The following ODF2 variants were observed in gnomAD, a reference collection of about 807,000 sequenced individuals.
ODF2 encodes outer dense fiber of sperm tails 2, also known as outer dense fiber protein 2.
Under a neutral mutation model 110.2 loss-of-function variants are expected in ODF2, and 47 were observed. The observed-to-expected ratio is 0.43, with a 90% CI of 0.34 to 0.54. ODF2 has a LOEUF of 0.54. Ranked by LOEUF, ODF2 falls within the 20% of genes least tolerant of loss-of-function variation. ODF2 has a pLI of 0.03. For synonymous variants in ODF2, 352 were observed against 397.7 expected (o/e 0.89, Z 1.37); for missense variants, 812 against 1,054.5 (o/e 0.77, Z 3.19).
intron 4 of ODF2, among the ~76,000 whole-genome samples, chr9:128,466,644 C>CATATAT (rs10591401): frequency 2.1e-3 from 293 of 142,758 alleles, no homozygotes; most frequent in Admixed American, 5.1e-3. Context: ...CACACTTTCC[C>CATATAT]ATATATATAT....
chr9:128,498,659 TG>T, intron 19 of ODF2, 84 bp downstream of exon 19: 1 of 799,860 alleles, frequency 1.3e-6, no homozygotes, highest in Non-Finnish European at 2.0e-6. Context: ...ATCTGAAAAA[TG>T]GGCACACAGT....
chr9:128,479,598 C>T lies in ODF2; in HGVS notation c.844-1982C>T, dbSNP rs181720631. Among the ~76,000 whole-genome samples, 16 of 152,156 alleles carry T rather than the reference C, an allele frequency of 1.1e-4. No homozygotes were observed. In the East Asian group the frequency reaches 2.9e-3, roughly 28 times the overall value. Reference sequence around the variant, plus strand: ...GGCATTTCAGCCACAAATCTCAGACCTTCCGACCTGGCCATTCCTCTTCTT... The same window carrying T: ...GGCATTTCAGCCACAAATCTCAGACTTTCCGACCTGGCCATTCCTCTTCTT... On this transcript the variant is annotated intron_variant, in intron 8 of 20. Transcript: ENST00000604420.
At chr9:128,457,992 G>A (rs1302146111) in intron 2 of ODF2, among the ~76,000 whole-genome samples, 1 of 149,942 alleles carries the variant, frequency 6.7e-6, no homozygotes. Flanking sequence ...TACATATACA[G>A]CAAAACGCAT....
chr9:128,497,441 AAAAAAATATAT>A (rs1179153706), intron 18 of ODF2: 1 of 90,872 alleles, frequency 1.1e-5, no homozygotes, highest in African/African-American at 6.4e-5. Context: ...AAAAAAAAAA[AAAAAAATATAT>A]ATATATATAT....
intron 13 of ODF2, among the ~76,000 whole-genome samples, chr9:128,487,040 A>T (rs1393046269): frequency 4.6e-5 from 7 of 152,136 alleles, no homozygotes; most frequent in Non-Finnish European, 1.0e-4. Flanking sequence ...TCTTGGCCTT[A>T]TGAGAGGATC....
intron 5 of ODF2, 135 bp from the exon 6 acceptor site, chr9:128,471,173 C>A: frequency 1.2e-6 from 1 of 854,532 alleles, no homozygotes; most frequent in East Asian, 3.0e-5. Flanking sequence ...CTTGGCCTCC[C>A]AAAGTGCTGG....
chr9:128,457,945 T>A (rs10987995), intron 2 of ODF2, among the ~76,000 whole-genome samples: 9,561 of 57,958 alleles, frequency 0.16, 375 homozygotes, highest in Middle Eastern at 0.23. Flanking sequence ...ATATATATAT[T>A]TTTTTTTTTT....
chr9:128,462,818 C>G (rs1041076183), intron 4 of ODF2, among the ~76,000 whole-genome samples: 9 of 152,066 alleles, frequency 5.9e-5, no homozygotes, highest in Non-Finnish European at 1.2e-4. Flanking sequence ...TGGTCTCGAT[C>G]TCCTGACCTC....
intron 4 of ODF2, among the ~76,000 whole-genome samples, chr9:128,466,308 A>C (rs1484856013): frequency 6.6e-6 from 1 of 152,018 alleles, no homozygotes; most frequent in Non-Finnish European, 1.5e-5. Flanking sequence ...TCTACCAAAA[A>C]TACAAAAAAT....
chr9:128,488,742 G>A (rs1178943743), intron 14 of ODF2, among the ~76,000 whole-genome samples: 1 of 152,132 alleles, frequency 6.6e-6, no homozygotes, highest in Non-Finnish European at 1.5e-5. Context: ...CCGGGCTCAC[G>A]TCTGTAATCC....
At chr9:128,499,119 G>A (rs777420619) in exon 20 of ODF2, 55 of 1,614,046 alleles carry the variant, frequency 3.4e-5, no homozygotes, top group Non-Finnish European at 4.4e-5. Flanking sequence ...CGGCGGAGCC[G>A]TGATGATGTG....
chr9:128,500,298 A>G (rs1393946880), exon 21 of ODF2: 3 of 1,597,850 alleles, frequency 1.9e-6, no homozygotes, highest in Non-Finnish European at 2.6e-6. Flanking sequence ...AGCCATAGGA[A>G]CTCCAGAGTT....
exon 11 of ODF2, chr9:128,483,982 C>T: frequency 1.2e-6 from 2 of 1,613,872 alleles, no homozygotes; most frequent in East Asian, 2.2e-5. Flanking sequence ...CCATGGAGTC[C>T]ATGCGTGGGC....
At chr9:128,456,326 C>G in intron 1 of ODF2, 71 bp downstream of exon 1, 1 of 1,465,208 alleles carries the variant, frequency 6.8e-7, no homozygotes, top group Non-Finnish European at 9.0e-7. Context: ...GCCTTCGCAC[C>G]CCCGGCGCGG....
At chr9:128,498,943 G>A in intron 19 of ODF2, 58 bp from the exon 20 acceptor site, 3 of 1,606,918 alleles carry the variant, frequency 1.9e-6, no homozygotes, top group Non-Finnish European at 2.6e-6. Context: ...CCTTCTCTTT[G>A]CCAAGTGTTC....
chr9:128,481,543 T>G (rs757014286), intron 8 of ODF2, 37 bp from the exon 9 acceptor site: 25 of 1,533,154 alleles, frequency 1.6e-5, no homozygotes, highest in Non-Finnish European at 2.2e-5. Flanking sequence ...GGTTTATTGC[T>G]TAATGACTTG....
exon 9 of ODF2, chr9:128,481,623 G>A (rs1263289864): frequency 8.7e-6 from 14 of 1,613,900 alleles, no homozygotes; most frequent in Admixed American, 8.3e-5. Context: ...CTGCTGAAAC[G>A]GCTGGCGGAG....
chr9:128,468,696 G>A (rs7023205), intron 4 of ODF2, among the ~76,000 whole-genome samples: 44,720 of 151,934 alleles, frequency 0.29, 7,672 homozygotes, highest in East Asian at 0.47. Context: ...CTAAGTTTGT[G>A]TTTTTAGTAG....
chr9:128,491,519 G>A (rs566518432), intron 14 of ODF2, among the ~76,000 whole-genome samples: 60 of 151,924 alleles, frequency 3.9e-4, no homozygotes, highest in Admixed American at 1.2e-3. Context: ...ATTAGCCGGA[G>A]TGGGGGTGGT....
Sources: gnomAD v4.1 joint callset for allele counts (sites outside exome capture counted in the v4.1 genomes callset) on GRCh38, gnomAD v4.1.1 for gene constraint, MANE v1.5 for transcripts, NCBI Gene and HGNC (gene_info 2026-07-23, HGNC 2026-07-21) for gene names.